Variants in TPD52L1 observed in about 807,000 individuals in gnomAD.
The protein encoded by TPD52L1 is tumor protein D53.
A neutral mutation model predicts 28.7 loss-of-function variants in TPD52L1; 18 were observed. The ratio of observed to expected loss-of-function variants is 0.63; its 90% CI spans 0.43 to 0.93. TPD52L1 has a LOEUF of 0.93. Ranked by LOEUF, TPD52L1 falls within the 40% of genes least tolerant of loss-of-function variation. TPD52L1 has a pLI of 0.00. For synonymous variants in TPD52L1, 75 were observed against 88.8 expected (o/e 0.84, Z 0.88); for missense variants, 203 against 254.8 (o/e 0.80, Z 1.39).
In TPD52L1 at chr6:125,255,285, C is replaced by T. The variant is rs3799730; in HGVS notation, c.425+1530C>T. 3.2e-3 allele frequency among the ~76,000 whole-genome samples: 484 copies of T among 152,288 alleles called. 10 individuals are homozygous for T. The East Asian group carries it at 0.064, about 20-fold the overall frequency. ...CTAACATATACCCATGAACCATTTC[C>T]TCACTGTGGGCCTGTGTAACTGATG... On this transcript the variant is annotated intron_variant, in intron 5 of 6. Transcript: ENST00000534000.
intron 2 of TPD52L1, among the ~76,000 whole-genome samples, chr6:125,222,208 A>G (rs1316255990): frequency 1.3e-5 from 2 of 152,216 alleles, no homozygotes; most frequent in African/African-American, 4.8e-5. Flanking sequence ...TTCAATTTTA[A>G]CAAGGACACA....
At chr6:125,241,894 G>A (rs1195585708) in intron 3 of TPD52L1, among the ~76,000 whole-genome samples, 1 of 149,326 alleles carries the variant, frequency 6.7e-6, no homozygotes, top group African/African-American at 2.5e-5. Context: ...TGTTTCTCTA[G>A]TTCCTTGAGA....
Position 125,200,264 on chromosome 6 carries a change from T to TA in TPD52L1, c.20-19807dup, listed in dbSNP as rs11396194. 4.1e-3 allele frequency among the ~76,000 whole-genome samples: 627 copies of TA among 152,284 alleles called. 4 individuals are homozygous for TA. Among genetic ancestry groups the TA allele is most frequent in the African/African-American group, 0.014 (568 of 41,550 alleles). ...AATAGCTCTAGATTCAGTCAGTTGTTAAAAAAATGTGTTCAAGATTGTCTA... is the reference window on the plus strand; with the variant it reads ...AATAGCTCTAGATTCAGTCAGTTGTTAAAAAAAATGTGTTCAAGATTGTCTA... On this transcript the variant is annotated intron_variant, in intron 1 of 6. Transcript: ENST00000534000.
chr6:125,224,068 C>T (rs574077247), intron 2 of TPD52L1, among the ~76,000 whole-genome samples: 94 of 147,382 alleles, frequency 6.4e-4, no homozygotes, highest in Non-Finnish European at 1.1e-3. Context: ...TTTTTTTTTT[C>T]TCTCTCTCTC....
At chr6:125,161,666 G>C (rs1790530135) in intron 1 of TPD52L1, among the ~76,000 whole-genome samples, 1 of 152,198 alleles carries the variant, frequency 6.6e-6, no homozygotes, top group Admixed American at 6.5e-5. Context: ...GTGGCTGGTG[G>C]AGCAGTCAGA....
intron 1 of TPD52L1, among the ~76,000 whole-genome samples, chr6:125,180,207 C>G (rs1035320434): frequency 6.6e-6 from 1 of 152,108 alleles, no homozygotes. Flanking sequence ...AACTGCTGCA[C>G]AGCCCTTGTT....
chr6:125,166,262 T>G (rs1790894689), intron 1 of TPD52L1, among the ~76,000 whole-genome samples: 1 of 152,206 alleles, frequency 6.6e-6, no homozygotes, highest in South Asian at 2.1e-4. Flanking sequence ...CTGATTTTTC[T>G]CTCTGCATAA....
intron 1 of TPD52L1, among the ~76,000 whole-genome samples, chr6:125,197,643 C>G (rs1405154779): frequency 6.6e-6 from 1 of 151,946 alleles, no homozygotes; most frequent in Non-Finnish European, 1.5e-5. Flanking sequence ...ATTTTTCACC[C>G]AAGGTGGAAT....
At chr6:125,226,956 T>C (rs914658089) in intron 2 of TPD52L1, among the ~76,000 whole-genome samples, 4 of 152,182 alleles carry the variant, frequency 2.6e-5, no homozygotes, top group African/African-American at 9.6e-5. Context: ...CTAAAAGCAT[T>C]ATTCTCTTTA....
chr6:125,238,951 G>T (rs1796450740), intron 3 of TPD52L1, among the ~76,000 whole-genome samples: 1 of 152,200 alleles, frequency 6.6e-6, no homozygotes, highest in African/African-American at 2.4e-5. Flanking sequence ...ATGTGTAAGT[G>T]TCTTTTTCAT....
intron 3 of TPD52L1, among the ~76,000 whole-genome samples, chr6:125,241,684 T>C (rs571253914): frequency 6.6e-6 from 1 of 152,150 alleles, no homozygotes; most frequent in Non-Finnish European, 1.5e-5. Flanking sequence ...ATTTCATTTC[T>C]AATTGAGCTT....
chr6:125,179,964 G>T (rs959355487), intron 1 of TPD52L1, among the ~76,000 whole-genome samples: 4 of 152,134 alleles, frequency 2.6e-5, no homozygotes, highest in African/African-American at 9.7e-5. Context: ...GTTAAGGGAG[G>T]GTGTTTGAAA....
chr6:125,223,530 G>A (rs1354398759), intron 2 of TPD52L1, among the ~76,000 whole-genome samples: 1 of 152,010 alleles, frequency 6.6e-6, no homozygotes, highest in Non-Finnish European at 1.5e-5. Context: ...CCAACATGGT[G>A]AAACCCTGTC....
intron 5 of TPD52L1, among the ~76,000 whole-genome samples, chr6:125,254,682 C>G (rs1431285631): frequency 6.6e-6 from 1 of 152,154 alleles, no homozygotes; most frequent in African/African-American, 2.4e-5. Context: ...ACCGCCGAAG[C>G]CAAATTCTTC....
chr6:125,219,606 G>A (rs957370662), intron 1 of TPD52L1, among the ~76,000 whole-genome samples: 2 of 152,144 alleles, frequency 1.3e-5, no homozygotes, highest in African/African-American at 4.8e-5. Context: ...GTTTCAAGAT[G>A]GGCAACTTGC....
intron 1 of TPD52L1, among the ~76,000 whole-genome samples, chr6:125,190,257 C>A (rs1483127758): frequency 6.6e-6 from 1 of 152,086 alleles, no homozygotes; most frequent in Non-Finnish European, 1.5e-5. Flanking sequence ...AATTTTGTGA[C>A]CAGACCCAAA....
intron 1 of TPD52L1, among the ~76,000 whole-genome samples, chr6:125,210,409 C>T (rs537154672): frequency 6.6e-6 from 1 of 152,286 alleles, no homozygotes; most frequent in East Asian, 1.9e-4. Flanking sequence ...GTCAGATGCC[C>T]ATCTCAGTCC....
chr6:125,227,300 T>C (rs1171532955), intron 2 of TPD52L1, among the ~76,000 whole-genome samples: 1 of 152,204 alleles, frequency 6.6e-6, no homozygotes, highest in East Asian at 1.9e-4. Flanking sequence ...CGCAAAACCA[T>C]TTCTGTCTGT....
chr6:125,258,663 C>T (rs1797744500), intron 6 of TPD52L1, among the ~76,000 whole-genome samples: 1 of 152,168 alleles, frequency 6.6e-6, no homozygotes, highest in African/African-American at 2.4e-5. Context: ...CTGGTAAGCT[C>T]ATGGCTCACA....
Sources: allele counts gnomAD v4.1 joint callset (sites outside exome capture counted in the v4.1 genomes callset), GRCh38; gene constraint gnomAD v4.1.1; transcripts MANE v1.5; gene names NCBI Gene and HGNC (gene_info 2026-07-23, HGNC 2026-07-21).